MEF2C: variants seen among roughly 807,000 people sequenced by gnomAD.
The protein encoded by MEF2C is myocyte enhancer factor 2C, also known as myocyte-specific enhancer factor 2C.
MEF2C carries 6 observed loss-of-function variants against 50.5 expected under a neutral mutation model. The observed-to-expected ratio is 0.12, with a 90% CI of 0.07 to 0.23. The LOEUF is 0.23. Ranked by LOEUF, MEF2C falls within the 10% of genes least tolerant of loss-of-function variation. The pLI, the probability that MEF2C is intolerant of heterozygous loss-of-function variation, is 1.00. For missense variants in MEF2C, 276 were observed against 605.0 expected (o/e 0.46, Z 5.70); for synonymous variants, 183 against 228.0 (o/e 0.80, Z 1.78).
chr5:88,864,234 G>A (rs995276230), intron 1 of MEF2C, among the ~76,000 whole-genome samples: 3 of 151,234 alleles, frequency 2.0e-5, no homozygotes, highest in African/African-American at 7.3e-5. Flanking sequence ...TGAGGTGATA[G>A]TTATGTTAAT....
chr5:88,825,708 T>G (rs1810571695), intron 1 of MEF2C: 1 of 801,390 alleles, frequency 1.2e-6, no homozygotes, highest in Non-Finnish European at 1.5e-6. Context: ...CTGTGTTTCC[T>G]ATAGTCTTAC....
chr5:88,894,355 T>C (rs1834896820), intron 1 of MEF2C, among the ~76,000 whole-genome samples: 1 of 152,204 alleles, frequency 6.6e-6, no homozygotes, highest in South Asian at 2.1e-4. Context: ...TGTTCACTTA[T>C]AGTGATAATA....
chr5:88,861,555 A>T (rs1267598513), intron 1 of MEF2C, among the ~76,000 whole-genome samples: 1 of 152,210 alleles, frequency 6.6e-6, no homozygotes, highest in Non-Finnish European at 1.5e-5. Flanking sequence ...AGAAAAAAAA[A>T]TTCATATGGA....
At chr5:88,742,603 A>G (rs1044688396) in intron 6 of MEF2C, 79 of 985,146 alleles carry the variant, frequency 8.0e-5, no homozygotes, top group Non-Finnish European at 9.3e-5. Flanking sequence ...CTAGGAAGTT[A>G]TAACCTAAAA....
At chr5:88,813,202 T>G (rs1181045585) in intron 2 of MEF2C, among the ~76,000 whole-genome samples, 1 of 151,938 alleles carries the variant, frequency 6.6e-6, no homozygotes, top group East Asian at 1.9e-4. Context: ...ACAAACTAGT[T>G]CTATATTTAT....
chr5:88,778,960 C>G (rs1019529002), intron 3 of MEF2C, among the ~76,000 whole-genome samples: 2 of 152,246 alleles, frequency 1.3e-5, no homozygotes, highest in African/African-American at 4.8e-5. Flanking sequence ...ACTCTGCTTC[C>G]GCAGTAGCGG....
At chr5:88,874,388 A>G (rs1461642096) in intron 1 of MEF2C, among the ~76,000 whole-genome samples, 1 of 151,994 alleles carries the variant, frequency 6.6e-6, no homozygotes, top group Non-Finnish European at 1.5e-5. Flanking sequence ...ATAGAAGCAT[A>G]GTTTTAATTT....
intron 2 of MEF2C, among the ~76,000 whole-genome samples, chr5:88,809,425 T>C (rs1041092510): frequency 6.6e-6 from 1 of 152,188 alleles, no homozygotes; most frequent in Non-Finnish European, 1.5e-5. Flanking sequence ...ATATTCTCTA[T>C]GTCAGGCATT....
chr5:88,737,979 C>A, intron 6 of MEF2C: 1 of 985,274 alleles, frequency 1.0e-6, no homozygotes, highest in South Asian at 4.7e-5. Flanking sequence ...GGTTGGACTG[C>A]TGTTAGAGAA....
chr5:88,754,160 C>G (rs1468704181), intron 4 of MEF2C, among the ~76,000 whole-genome samples: 2 of 152,332 alleles, frequency 1.3e-5, no homozygotes, highest in East Asian at 3.9e-4. Context: ...CCAGCAACAG[C>G]ACAGAGAGCA....
rs898154495 is a variant in MEF2C, at chr5:88,804,908, A to C, written c.55-107T>G. ...CACAAAACAATGGTGTGTAGTTGTC[A>C]GAGCCCTGGGCACTAACACATTCAG... is the stretch of plus-strand genomic sequence containing the variant. On this transcript the variant is annotated intron_variant, in intron 2 of 10. Coordinates refer to ENST00000504921, the MANE Select transcript of MEF2C (RefSeq NM_002397.5). The C allele has an allele frequency of 4.9e-6, 4 of 808,502 alleles. No homozygotes were observed. The East Asian group carries it at 1.1e-4, about 22-fold the overall frequency. The allele number at this position is 808,502 out of a possible 1,614,324, so 50.1% of individuals were successfully genotyped here. A position where few individuals can be genotyped will look rare whatever the true frequency, so the allele number is the denominator to read the frequency against.
chr5:88,739,203 T>C (rs1765388504), intron 6 of MEF2C: 1 of 977,780 alleles, frequency 1.0e-6, no homozygotes, highest in Admixed American at 6.2e-5. Context: ...TAATTTTGTT[T>C]AGTAATTTGT....
At chr5:88,824,583 C>G (rs1171245149) in intron 1 of MEF2C, among the ~76,000 whole-genome samples, 1 of 151,674 alleles carries the variant, frequency 6.6e-6, no homozygotes, top group African/African-American at 2.4e-5. Flanking sequence ...TTTTTGAAAG[C>G]CCTTAAACTA....
intron 1 of MEF2C, chr5:88,888,941 A>C (rs1467473580): frequency 6.6e-6 from 1 of 152,214 alleles, no homozygotes; most frequent in Non-Finnish European, 1.5e-5. Flanking sequence ...ATTTCTTGAA[A>C]TATCACAGAA....
rs201586915 is a variant in MEF2C at position 88,806,842 on chromosome 5, C to T, written c.55-2041G>A. Among the ~76,000 whole-genome samples the T allele has an allele frequency of 2.6e-5, 4 of 152,062 alleles. No homozygotes were observed. In the East Asian group the frequency reaches 5.8e-4, roughly 22 times the overall value. ...CTGTTTAACCTCTCTTCCACTACAG[C>T]GCATGCTCCACAAGGGTATATGCCG... On this transcript the variant is annotated intron_variant, in intron 2 of 10. Transcript: ENST00000504921.
At chr5:88,739,553 A>T in intron 6 of MEF2C, 1 of 984,514 alleles carries the variant, frequency 1.0e-6, no homozygotes, top group Non-Finnish European at 1.2e-6. Context: ...TAAATTGTGT[A>T]TCATAAACTT....
intron 1 of MEF2C, among the ~76,000 whole-genome samples, chr5:88,881,671 C>A (rs1832873094): frequency 6.6e-6 from 1 of 150,904 alleles, no homozygotes; most frequent in African/African-American, 2.4e-5. Flanking sequence ...ACATAAACAT[C>A]TTTACTCTGC....
intron 1 of MEF2C, among the ~76,000 whole-genome samples, chr5:88,829,563 T>C (rs1812234593): frequency 6.6e-6 from 1 of 152,062 alleles, no homozygotes; most frequent in African/African-American, 2.4e-5. Flanking sequence ...AACTGACGTA[T>C]TTTCTTTTCT....
chr5:88,729,382 T>G (rs548193970), intron 8 of MEF2C, 35 bp from the exon 9 acceptor site: 1 of 1,539,954 alleles, frequency 6.5e-7, no homozygotes, highest in Non-Finnish European at 8.8e-7. Context: ...TACTGATGAA[T>G]TTTTTTAAAA....
Sources: gnomAD v4.1 joint callset for allele counts (sites outside exome capture counted in the v4.1 genomes callset) on GRCh38, gnomAD v4.1.1 for gene constraint, MANE v1.5 for transcripts, NCBI Gene and HGNC (gene_info 2026-07-23, HGNC 2026-07-21) for gene names.